Variants in ECHDC2 observed in about 807,000 individuals in gnomAD.
The protein encoded by ECHDC2 is enoyl-CoA hydratase domain-containing protein 2, mitochondrial.
ECHDC2 carries 34 observed loss-of-function variants against 40.6 expected under a neutral mutation model. The observed-to-expected ratio is 0.84, with a 90% CI of 0.64 to 1.11. The LOEUF (loss-of-function observed/expected upper bound fraction) is 1.11, where lower values mean the gene tolerates loss of function less well. ECHDC2 is among the 50% of genes most tolerant of loss of function. ECHDC2 has a pLI of 0.00. For missense variants in ECHDC2, 392 were observed against 400.7 expected (o/e 0.98, Z 0.19); for synonymous variants, 162 against 166.6 (o/e 0.97, Z 0.21).
intron 8 of ECHDC2, 126 bp from the exon 9 acceptor site, chr1:52,897,610 C>T: frequency 1.1e-6 from 1 of 906,528 alleles, no homozygotes; most frequent in Non-Finnish European, 1.8e-6. Context: ...AGGAATTTCC[C>T]TCCTAGAGAA....
rs372694560 is a variant in ECHDC2 at position 52,921,588 on chromosome 1, T to C, written c.86A>G (p.Glu29Gly). 2.5e-6 allele frequency: 4 copies of C among 1,608,482 alleles called. No individual in the cohort carries two copies. The highest frequency in any genetic ancestry group is 3.4e-6 in the Non-Finnish European group (4 of 1,178,094). Residue 29 changes from glutamate (E) to glycine (G), a missense_variant, in exon 1 of 10, where the codon GAG becomes GGG. Glu to Gly is a moderately conservative substitution (Grantham distance 98). Coordinates refer to ENST00000371522, the MANE Select transcript of ECHDC2 (RefSeq NM_001198961.2). ...ACCCGCCAGGGCGCGCACTTGGATC[T>C]CTGAGCCCCCGGCCGCCCCGTCGGA... Reference protein sequence around the residue: ...CASDGAAGGSEIQVRALAGPD... With the variant: ...CASDGAAGGSGIQVRALAGPD...
At chr1:52,902,585 A>G (rs570026956) in intron 7 of ECHDC2, among the ~76,000 whole-genome samples, 1 of 152,350 alleles carries the variant, frequency 6.6e-6, no homozygotes, top group East Asian at 1.9e-4. Context: ...CCACCATGCT[A>G]AGCCAAAATG....
chr1:52,904,791 G>T lies in ECHDC2; in HGVS notation c.557C>A (p.Ala186Glu), dbSNP rs764977614. 1.2e-6 allele frequency: 2 copies of T among 1,612,960 alleles called. No homozygotes were observed. Among genetic ancestry groups the T allele is most frequent in the Non-Finnish European group, 8.5e-7 (1 of 1,179,896 alleles). Residue 186 changes from alanine (A) to glutamate (E), a missense_variant, in exon 7 of 10, where the codon GCG becomes GAG. By Grantham distance (107) the Ala-to-Glu change is moderately radical. Coordinates refer to ENST00000371522, the MANE Select transcript of ECHDC2 (RefSeq NM_001198961.2). ...TCGGCCCGTGAAGATGAGCTCCTTCGCCAGGGCCACCCCCAGACAACGGGG... is the reference window on the plus strand; with the variant it reads ...TCGGCCCGTGAAGATGAGCTCCTTCTCCAGGGCCACCCCCAGACAACGGGG... ...RLPRCLGVALAKELIFTGRRL... is the reference protein window; with the variant it reads ...RLPRCLGVALEKELIFTGRRL...
chr1:52,910,374 T>G (rs1353268840), intron 3 of ECHDC2, among the ~76,000 whole-genome samples: 1 of 117,272 alleles, frequency 8.5e-6, no homozygotes, highest in African/African-American at 3.4e-5. Flanking sequence ...TTTTTTTTTT[T>G]TTTTTTTTTT....
chr1:52,903,788 C>T (rs1020385834), intron 7 of ECHDC2, among the ~76,000 whole-genome samples: 2 of 151,670 alleles, frequency 1.3e-5, no homozygotes, highest in Non-Finnish European at 2.9e-5. Context: ...ATGCTTAATA[C>T]ATGTCCTGTA....
At chr1:52,911,301 C>T (rs979682736) in intron 3 of ECHDC2, among the ~76,000 whole-genome samples, 1 of 152,050 alleles carries the variant, frequency 6.6e-6, no homozygotes, top group Non-Finnish European at 1.5e-5. Flanking sequence ...TTATTTCCCC[C>T]GTGAAGGGTC....
At chr1:52,897,308 G>T in intron 9 of ECHDC2, 129 bp downstream of exon 9, 1 of 951,890 alleles carries the variant, frequency 1.1e-6, no homozygotes, top group South Asian at 1.4e-5. Flanking sequence ...TGACTTATGA[G>T]GGACGATGGA....
intron 2 of ECHDC2, 22 bp downstream of exon 2, chr1:52,911,701 C>T: frequency 6.2e-7 from 1 of 1,614,194 alleles, no homozygotes; most frequent in South Asian, 1.1e-5. Flanking sequence ...CCCAGCCCAC[C>T]CTGGCGCCCG....
Position 52,904,643 on chromosome 1 carries a change from C to A in ECHDC2, c.702+3G>T. The stretch of plus-strand genomic sequence containing the variant: ...TCCTTCTGGTGCCGAGCTGTCACCA[C>A]ACCTGGGGCAGGATCTCCTGGGCCA... On this transcript the variant is annotated splice_donor_region_variant and intron_variant, in intron 7 of 9. Transcript: ENST00000371522. 1 of 1,581,816 alleles carries A rather than the reference C, an allele frequency of 6.3e-7. No individual in the cohort carries two copies.
At chr1:52,911,465 A>G (rs1287400668) in intron 3 of ECHDC2, 101 bp downstream of exon 3, 11 of 1,156,016 alleles carry the variant, frequency 9.5e-6, no homozygotes, top group Non-Finnish European at 1.4e-5. Context: ...TAAAATGGCA[A>G]CAATGAGTCC....
In ECHDC2 at chr1:52,914,253, C is replaced by T. The variant is rs2150066370; in HGVS notation, c.122-2463G>A. ...GAGGCAGTGGCCTTTAAGCTGAGAG[C>T]TGACAGGAGAGTAGGAATTGGCCAG... On this transcript the variant is annotated intron_variant, in intron 1 of 9. Transcript: ENST00000371522. This position sits in a 1 kb window ranked among gnomAD's most constrained non-coding sequence, Gnocchi z 4.0. Among the ~76,000 whole-genome samples the T allele has an allele frequency of 1.3e-5, 2 of 152,258 alleles. No homozygotes were observed. Among genetic ancestry groups the T allele is most frequent in the Admixed American group, 1.3e-4 (2 of 15,304 alleles).
intron 8 of ECHDC2, chr1:52,898,899 TC>T: frequency 1.9e-6 from 1 of 520,354 alleles, no homozygotes; most frequent in South Asian, 2.0e-5. Flanking sequence ...TCTACTCACT[TC>T]CTCTGAGACC....
At chr1:52,906,764 C>CTTTTTT (rs1224675333) in intron 4 of ECHDC2, among the ~76,000 whole-genome samples, 153 bp from the exon 5 acceptor site, 1 of 131,156 alleles carries the variant, frequency 7.6e-6, no homozygotes, top group Non-Finnish European at 1.6e-5. Flanking sequence ...TATCTTAATT[C>CTTTTTT]TTTTTTTTTT....
intron 8 of ECHDC2, chr1:52,898,227 T>C (rs1027947594): frequency 1.3e-5 from 2 of 152,446 alleles, no homozygotes; most frequent in African/African-American, 4.8e-5. Context: ...TATTTATTTA[T>C]TTATTTATTT....
intron 3 of ECHDC2, among the ~76,000 whole-genome samples, chr1:52,908,951 A>G (rs113539928): frequency 0.041 from 6,193 of 150,646 alleles, 507 homozygotes; most frequent in African/African-American, 0.14. Context: ...AAAAAAAAAA[A>G]AAAGGAAAAA....
At position 52,921,618 on chromosome 1, in the gene ECHDC2, C is replaced by G; in HGVS notation, c.56G>C (p.Cys19Ser). Reference sequence around the variant, plus strand: ...GCCCCCGGCCGCCCCGTCGGAAGCGCAGCCGCGGGCCCGAAGGGGCCTCCA... The same window carrying G: ...GCCCCCGGCCGCCCCGTCGGAAGCGGAGCCGCGGGCCCGAAGGGGCCTCCA... Reference protein sequence around the residue: ...RPWRPLRARGCASDGAAGGSE... With the variant: ...RPWRPLRARGSASDGAAGGSE... The change falls in exon 1 of 10, where the codon TGC becomes TCC. Residue 19 changes from cysteine to serine, a missense_variant. Transcript: ENST00000371522. The G allele has an allele frequency of 1.9e-6, 3 of 1,598,618 alleles. No homozygotes were observed. The highest frequency in any genetic ancestry group is 2.6e-6 in the Non-Finnish European group (3 of 1,173,476).
intron 3 of ECHDC2, among the ~76,000 whole-genome samples, chr1:52,910,360 T>TTG (rs1557503657): frequency 1.1e-5 from 1 of 92,928 alleles, no homozygotes; most frequent in Non-Finnish European, 2.1e-5. Context: ...TCGTTTTTTT[T>TTG]TTTTTTTTTT....
intron 1 of ECHDC2, chr1:52,912,110 A>C: frequency 1.3e-5 from 14 of 1,105,296 alleles, no homozygotes; most frequent in Non-Finnish European, 1.6e-5. Flanking sequence ...AGACACACAC[A>C]CACACAAGCA....
chr1:52,909,233 A>G (rs369291219), intron 3 of ECHDC2, among the ~76,000 whole-genome samples: 6 of 152,308 alleles, frequency 3.9e-5, no homozygotes, highest in Admixed American at 6.5e-5. Context: ...TTACCATACA[A>G]TTCTAGTCCC....
Sources: gnomAD v4.1 joint callset for allele counts (sites outside exome capture counted in the v4.1 genomes callset) on GRCh38, gnomAD v4.1.1 for gene constraint, Gnocchi (gnomAD v3.1) non-coding constraint, MANE v1.5 for transcripts, NCBI Gene and HGNC (gene_info 2026-07-23, HGNC 2026-07-21) for gene names.